Variants in SLIT3 observed in about 807,000 individuals in gnomAD.
SLIT3 encodes slit guidance ligand 3, also known as slit homolog 3 protein.
SLIT3 carries 68 observed loss-of-function variants against 184.0 expected under a neutral mutation model. The ratio of observed to expected loss-of-function variants is 0.37; its 90% CI spans 0.30 to 0.45. The LOEUF (loss-of-function observed/expected upper bound fraction) is 0.45. Ranked by LOEUF, SLIT3 falls within the 20% of genes least tolerant of loss-of-function variation. The probability of loss-of-function intolerance (pLI) is 1.00; values close to 1 mark genes in which losing one functional copy is unlikely to be tolerated. For synonymous variants in SLIT3, 831 were observed against 828.6 expected (o/e 1.00, Z -0.05); for missense variants, 1,707 against 2,026.0 (o/e 0.84, Z 3.02).
At chr5:169,026,153 G>T (rs550858314) in intron 4 of SLIT3, among the ~76,000 whole-genome samples, 1 of 152,322 alleles carries the variant, frequency 6.6e-6, no homozygotes, top group South Asian at 2.1e-4. Flanking sequence ...TGTTCAGCAG[G>T]AGAGGAGATT....
At chr5:168,793,576 G>C (rs958609174) in intron 10 of SLIT3, among the ~76,000 whole-genome samples, 5 of 152,176 alleles carry the variant, frequency 3.3e-5, no homozygotes, top group African/African-American at 1.2e-4. Context: ...GGTCGTGACT[G>C]AGAAGGTCTT....
rs146837484 is a variant in SLIT3, at chr5:169,275,002, G to T, written c.198-23543C>A. Among the ~76,000 whole-genome samples, 3 of 152,212 alleles carry T rather than the reference G, an allele frequency of 2.0e-5. No homozygotes were observed. In the East Asian group the frequency reaches 5.8e-4, roughly 29 times the overall value. On this transcript the variant is annotated intron_variant, in intron 1 of 35. Coordinates refer to ENST00000519560, the MANE Select transcript of SLIT3 (RefSeq NM_003062.4). ...TAATAAGTGATCTATAAACGTTAGC[G>T]CTTTGTACGGCACACAGCTGATGCT...
intron 4 of SLIT3, among the ~76,000 whole-genome samples, chr5:169,161,231 T>A (rs1480951354): frequency 6.6e-6 from 1 of 152,218 alleles, no homozygotes; most frequent in Non-Finnish European, 1.5e-5. Context: ...TCCCAGGGGA[T>A]TTGTGGTCGG....
intron 4 of SLIT3, among the ~76,000 whole-genome samples, chr5:169,074,651 A>C (rs1709443876): frequency 6.6e-6 from 1 of 152,154 alleles, no homozygotes; most frequent in Non-Finnish European, 1.5e-5. Flanking sequence ...ATGCAGACTT[A>C]AGTATGGATT....
At chr5:168,876,791 G>A (rs2113777333) in intron 5 of SLIT3, among the ~76,000 whole-genome samples, 1 of 152,240 alleles carries the variant, frequency 6.6e-6, no homozygotes, top group South Asian at 2.1e-4. Flanking sequence ...TCTGGAAAAT[G>A]GGAATATCAT....
At chr5:168,886,858 C>T (rs1270620902) in intron 4 of SLIT3, among the ~76,000 whole-genome samples, 1 of 152,032 alleles carries the variant, frequency 6.6e-6, no homozygotes, top group Non-Finnish European at 1.5e-5. Flanking sequence ...AATGATTAAC[C>T]AACTGATTAT....
chr5:168,917,716 T>C (rs1348917176), intron 4 of SLIT3, among the ~76,000 whole-genome samples: 1 of 152,202 alleles, frequency 6.6e-6, no homozygotes, highest in Non-Finnish European at 1.5e-5. Context: ...TCTAGAAGCA[T>C]ACCCTCCAAT....
intron 4 of SLIT3, among the ~76,000 whole-genome samples, chr5:169,084,993 C>G (rs1377151118): frequency 1.3e-5 from 2 of 151,812 alleles, no homozygotes; most frequent in Non-Finnish European, 2.9e-5. Flanking sequence ...CTGCTATCAA[C>G]AACAACAACC....
intron 4 of SLIT3, among the ~76,000 whole-genome samples, chr5:169,028,653 C>T (rs1010178371): frequency 3.3e-5 from 5 of 152,230 alleles, no homozygotes; most frequent in African/African-American, 9.7e-5. Context: ...CACATGTCCA[C>T]TTTCCTAGGA....
chr5:169,170,160 T>C (rs1762771754), intron 4 of SLIT3, among the ~76,000 whole-genome samples: 1 of 152,202 alleles, frequency 6.6e-6, no homozygotes, highest in Non-Finnish European at 1.5e-5. Flanking sequence ...CACCCACATT[T>C]GAACACCTCA....
intron 4 of SLIT3, among the ~76,000 whole-genome samples, chr5:168,996,555 C>G (rs993306011): frequency 6.6e-6 from 1 of 152,198 alleles, no homozygotes; most frequent in Non-Finnish European, 1.5e-5. Flanking sequence ...TTGGATATAA[C>G]GTCAAGCGCT....
intron 4 of SLIT3, among the ~76,000 whole-genome samples, chr5:168,891,487 C>G (rs1760458908): frequency 6.6e-6 from 1 of 152,096 alleles, no homozygotes; most frequent in Non-Finnish European, 1.5e-5. Context: ...TAGGACATTC[C>G]TGGTAAGGCC....
intron 26 of SLIT3, 87 bp downstream of exon 26, chr5:168,707,889 T>C: frequency 1.3e-6 from 2 of 1,525,038 alleles, no homozygotes; most frequent in East Asian, 2.3e-5. Context: ...GAAGGGAGGG[T>C]ACGCAGGGCA....
intron 31 of SLIT3, 41 bp downstream of exon 31, chr5:168,685,646 A>C (rs1309319721): frequency 6.6e-7 from 1 of 1,506,394 alleles, no homozygotes; most frequent in Non-Finnish European, 8.9e-7. Flanking sequence ...GCTTGTGGGC[A>C]TGTTGAGGTC....
At chr5:168,882,535 C>G (rs535612880) in intron 5 of SLIT3, among the ~76,000 whole-genome samples, 1 of 152,176 alleles carries the variant, frequency 6.6e-6, no homozygotes, top group Non-Finnish European at 1.5e-5. Flanking sequence ...AGTGAGCACA[C>G]GTGGAGCTGT....
chr5:169,249,878 G>T (rs562498651), intron 2 of SLIT3, among the ~76,000 whole-genome samples: 1 of 152,254 alleles, frequency 6.6e-6, no homozygotes, highest in Non-Finnish European at 1.5e-5. Context: ...GACCAAAGAC[G>T]GAGAACATGT....
chr5:168,744,362 C>T (rs1167433760), intron 20 of SLIT3, among the ~76,000 whole-genome samples: 5 of 152,162 alleles, frequency 3.3e-5, no homozygotes, highest in South Asian at 2.1e-4. Context: ...CAAGTGCTGA[C>T]GGAGAAGCTG....
intron 4 of SLIT3, among the ~76,000 whole-genome samples, chr5:169,093,686 G>A (rs1234809870): frequency 6.6e-6 from 1 of 152,096 alleles, no homozygotes; most frequent in Non-Finnish European, 1.5e-5. Flanking sequence ...GAATTTATTT[G>A]CATCCCCCAT....
At chr5:168,715,385 CCCA>C (rs1762687929) in intron 23 of SLIT3, among the ~76,000 whole-genome samples, 1 of 152,204 alleles carries the variant, frequency 6.6e-6, no homozygotes, top group African/African-American at 2.4e-5. Flanking sequence ...ACCTCTTGGT[CCCA>C]GTGGTTTGGC....
Sources: gnomAD v4.1 joint callset for allele counts (sites outside exome capture counted in the v4.1 genomes callset) on GRCh38, gnomAD v4.1.1 for gene constraint, MANE v1.5 for transcripts, NCBI Gene and HGNC (gene_info 2026-07-23, HGNC 2026-07-21) for gene names.